The following EYA3 variants were observed in gnomAD, a reference collection of about 807,000 sequenced individuals.
EYA3 encodes the protein protein phosphatase EYA3.
In EYA3, 39 loss-of-function variants were observed where a neutral mutation model predicts 80.0. That is an observed-to-expected ratio of 0.49 (90% confidence interval 0.38 to 0.64). The LOEUF (loss-of-function observed/expected upper bound fraction) is 0.64. EYA3 is among the 30% of genes least tolerant of loss of function. EYA3 has a pLI of 0.00. For synonymous variants in EYA3, 206 were observed against 232.8 expected (o/e 0.88, Z 1.05); for missense variants, 523 against 676.1 (o/e 0.77, Z 2.51).
intron 7 of EYA3, among the ~76,000 whole-genome samples, chr1:28,017,910 T>C (rs555516054): frequency 1.3e-5 from 2 of 152,230 alleles, no homozygotes; most frequent in African/African-American, 2.4e-5. Context: ...CTTAAGTAAT[T>C]TGAGGCCAGG....
intron 1 of EYA3, among the ~76,000 whole-genome samples, chr1:28,063,142 G>C (rs1644696773): frequency 6.6e-6 from 1 of 151,790 alleles, no homozygotes; most frequent in African/African-American, 2.4e-5. Context: ...CCTAGAAAGA[G>C]AATTTGCATG....
At chr1:28,074,457 T>C (rs2148938167) in intron 1 of EYA3, among the ~76,000 whole-genome samples, 1 of 152,098 alleles carries the variant, frequency 6.6e-6, no homozygotes, top group East Asian at 1.9e-4. Flanking sequence ...ATAATATAGT[T>C]CACAAAACCT....
intron 16 of EYA3, among the ~76,000 whole-genome samples, chr1:27,987,622 G>C (rs990569904): frequency 6.6e-6 from 1 of 151,800 alleles, no homozygotes; most frequent in Non-Finnish European, 1.5e-5. Flanking sequence ...ATCAACAGTT[G>C]CATCATTTTA....
At chr1:28,038,194 G>C (rs1643557033) in intron 5 of EYA3, among the ~76,000 whole-genome samples, 1 of 151,984 alleles carries the variant, frequency 6.6e-6, no homozygotes, top group South Asian at 2.1e-4. Context: ...TGTAATCCCA[G>C]CACTTTGCGA....
intron 2 of EYA3, among the ~76,000 whole-genome samples, chr1:28,056,087 T>A (rs1401773067): frequency 6.6e-6 from 1 of 152,198 alleles, no homozygotes. Context: ...TGTATTTGTC[T>A]GTTTGACATC....
intron 7 of EYA3, 81 bp downstream of exon 7, chr1:28,027,708 T>C: frequency 6.4e-7 from 1 of 1,559,928 alleles, no homozygotes; most frequent in Non-Finnish European, 8.8e-7. Context: ...ATCCAATTTG[T>C]TTGTTTGGAG....
At chr1:27,995,783 A>T (rs1385566988) in intron 13 of EYA3, among the ~76,000 whole-genome samples, 12 of 152,104 alleles carry the variant, frequency 7.9e-5, no homozygotes, top group Non-Finnish European at 1.5e-5. Context: ...AAAATAAAAT[A>T]AAAAATATTA....
chr1:28,051,125 T>C (rs1190772157), intron 2 of EYA3, among the ~76,000 whole-genome samples: 1 of 152,106 alleles, frequency 6.6e-6, no homozygotes, highest in Non-Finnish European at 1.5e-5. Flanking sequence ...TAATACAAGC[T>C]GCCAGGAAGT....
chr1:28,031,081 A>G (rs1486783912), intron 6 of EYA3, among the ~76,000 whole-genome samples: 4 of 152,218 alleles, frequency 2.6e-5, no homozygotes, highest in African/African-American at 7.2e-5. Flanking sequence ...TCTCCCTCTT[A>G]TAAGATCAAA....
intron 15 of EYA3, among the ~76,000 whole-genome samples, chr1:27,989,048 GAT>G (rs1323829239): frequency 6.6e-6 from 1 of 152,198 alleles, no homozygotes; most frequent in Non-Finnish European, 1.5e-5. Context: ...CCATAAATGA[GAT>G]ATGATTTGTG....
chr1:28,012,696 T>C (rs77353643), intron 9 of EYA3, among the ~76,000 whole-genome samples: 3,102 of 152,318 alleles, frequency 0.02, 43 homozygotes, highest in Middle Eastern at 0.048. Flanking sequence ...AAAAGGACCA[T>C]GCTTTCCTCA....
At chr1:28,003,628 G>T (rs970947193) in intron 11 of EYA3, among the ~76,000 whole-genome samples, 1 of 152,092 alleles carries the variant, frequency 6.6e-6, no homozygotes, top group Non-Finnish European at 1.5e-5. Context: ...AGCTGGATTC[G>T]AACTCCTAGG....
intron 10 of EYA3, among the ~76,000 whole-genome samples, chr1:28,006,497 G>T (rs1389722174): frequency 6.6e-6 from 1 of 152,106 alleles, no homozygotes; most frequent in Non-Finnish European, 1.5e-5. Context: ...ACAAGGTCAG[G>T]AGATAGAGAC....
At chr1:28,066,084 C>T (rs181012352) in intron 1 of EYA3, among the ~76,000 whole-genome samples, 9 of 151,832 alleles carry the variant, frequency 5.9e-5, no homozygotes, top group African/African-American at 9.7e-5. Context: ...ATAACCAAGA[C>T]GGCTCCTAAG....
At chr1:28,001,961 G>A (rs931388669) in intron 11 of EYA3, among the ~76,000 whole-genome samples, 7 of 151,218 alleles carry the variant, frequency 4.6e-5, no homozygotes, top group Admixed American at 6.6e-5. Flanking sequence ...TGTTGCCCAG[G>A]CTGGAGTGCA....
chr1:28,038,909 A>G lies in EYA3; in HGVS notation c.158-4T>C. ...ATGTAATCGGTGCATGTCATAACTG[A>G]AAGAAAGATAATATCACCAGGTTAA... On this transcript the variant is annotated splice_polypyrimidine_tract_variant and splice_region_variant and intron_variant, in intron 4 of 17. Coordinates refer to ENST00000373871, the MANE Select transcript of EYA3 (RefSeq NM_001990.4). The G allele has an allele frequency of 6.3e-7, 1 of 1,584,694 alleles. No homozygotes were observed.
chr1:28,027,700 C>A, intron 7 of EYA3, 89 bp downstream of exon 7: 2 of 1,535,376 alleles, frequency 1.3e-6, no homozygotes, highest in Non-Finnish European at 1.8e-6. Context: ...CCTGTATTAT[C>A]CAATTTGTTT....
At chr1:28,069,340 C>T (rs921776755) in intron 1 of EYA3, among the ~76,000 whole-genome samples, 1 of 151,880 alleles carries the variant, frequency 6.6e-6, no homozygotes, top group African/African-American at 2.4e-5. Flanking sequence ...AACTCCTGAG[C>T]TCAAGTGATC....
chr1:28,016,815 T>C (rs569464271), intron 8 of EYA3, among the ~76,000 whole-genome samples: 2 of 152,330 alleles, frequency 1.3e-5, no homozygotes, highest in South Asian at 4.1e-4. Context: ...GGCAGGCATT[T>C]TTCTATACTC....
Sources: allele counts gnomAD v4.1 joint callset (sites outside exome capture counted in the v4.1 genomes callset), GRCh38; gene constraint gnomAD v4.1.1; transcripts MANE v1.5; gene names NCBI Gene and HGNC (gene_info 2026-07-23, HGNC 2026-07-21).